Variants in SMC6 observed in about 807,000 individuals in gnomAD.
SMC6 encodes structural maintenance of chromosomes 6.
Under a neutral mutation model 142.2 loss-of-function variants are expected in SMC6, and 79 were observed. The ratio of observed to expected loss-of-function variants is 0.56; its 90% CI spans 0.46 to 0.67. SMC6 has a LOEUF of 0.67. Ranked by LOEUF, SMC6 falls within the 30% of genes least tolerant of loss-of-function variation. SMC6 has a pLI of 0.00. For missense variants in SMC6, 1,072 were observed against 1,284.0 expected (o/e 0.83, Z 2.52); for synonymous variants, 411 against 412.4 (o/e 1.00, Z 0.04).
intron 3 of SMC6, among the ~76,000 whole-genome samples, chr2:17,744,410 A>T (rs1380124359): frequency 6.6e-6 from 1 of 152,210 alleles, no homozygotes; most frequent in Non-Finnish European, 1.5e-5. Context: ...TTTTAAAAAT[A>T]CCTTATCCTA....
At chr2:17,750,116 A>G (rs1254437065) in intron 2 of SMC6, among the ~76,000 whole-genome samples, 9 of 152,254 alleles carry the variant, frequency 5.9e-5, no homozygotes, top group African/African-American at 2.2e-4. Flanking sequence ...ACCGGGAAGT[A>G]TAAAGCACAG....
chr2:17,685,823 T>C (rs1244995112), intron 23 of SMC6, among the ~76,000 whole-genome samples: 1 of 151,890 alleles, frequency 6.6e-6, no homozygotes. Context: ...TGGCAAAAAA[T>C]ATAAATGCAA....
intron 11 of SMC6, among the ~76,000 whole-genome samples, chr2:17,719,496 C>A (rs991753679): frequency 2.0e-5 from 3 of 152,078 alleles, no homozygotes; most frequent in African/African-American, 7.2e-5. Flanking sequence ...AGAAAAAGGC[C>A]TACAAAAGTA....
chr2:17,683,788 T>C, intron 23 of SMC6, 25 bp from the exon 24 acceptor site: 2 of 1,593,708 alleles, frequency 1.3e-6, no homozygotes, highest in Admixed American at 1.7e-5. Flanking sequence ...AAATATTACG[T>C]AAAAAATACA....
In SMC6 at chr2:17,720,700, T is replaced by C. The variant is rs112077124; in HGVS notation, c.945+240A>G. On this transcript the variant is annotated intron_variant, in intron 11 of 27. Transcript: ENST00000448223. The stretch of plus-strand genomic sequence containing the variant: ...CAGTAACAAAGTTCCACTGACAATA[T>C]GCATGAGTTCTAGAGCCCTAGCCTC... 1.5e-3 allele frequency among the ~76,000 whole-genome samples: 221 copies of C among 152,302 alleles called. 1 individual carries two copies. The highest frequency in any genetic ancestry group is 5.1e-3 in the African/African-American group (213 of 41,570).
intron 23 of SMC6, among the ~76,000 whole-genome samples, chr2:17,694,128 A>G (rs1373585106): frequency 6.6e-6 from 1 of 152,020 alleles, no homozygotes; most frequent in Non-Finnish European, 1.5e-5. Flanking sequence ...ATTCTCATTC[A>G]TATGTGGGAG....
In SMC6 at chr2:17,708,643, A is replaced by G; in HGVS notation, c.1841T>C (p.Ile614Thr). ...DMRGIETVLL[I>T]KNNSVARAVM... is the part of the protein sequence containing the mutation. ...GCAAAGATCTGGAGGTCTTACTTTGATTAGTAGCACTGTCTCTATGCCTCT... is the reference window on the plus strand; with the variant it reads ...GCAAAGATCTGGAGGTCTTACTTTGGTTAGTAGCACTGTCTCTATGCCTCT... The change falls in exon 17 of 28, where the codon ATC becomes ACC. Residue 614 changes from isoleucine (I) to threonine (T), a missense_variant. By Grantham distance (89) the Ile-to-Thr change is moderately conservative (BLOSUM62 -1). Transcript: ENST00000448223. 6.8e-7 allele frequency: 1 copy of G among 1,480,628 alleles called. No homozygotes were observed. Among genetic ancestry groups the G allele is most frequent in the Non-Finnish European group, 9.0e-7 (1 of 1,108,716 alleles). The allele number at this position is 1,480,628 out of a possible 1,614,324, so 91.7% of individuals were successfully genotyped here.
At chr2:17,706,642 A>T (rs184628718) in intron 18 of SMC6, among the ~76,000 whole-genome samples, 2 of 152,302 alleles carry the variant, frequency 1.3e-5, no homozygotes, top group Admixed American at 6.5e-5. Context: ...GAATTCAGTT[A>T]AGAAATCATG....
intron 26 of SMC6, among the ~76,000 whole-genome samples, chr2:17,666,890 G>A (rs1449993929): frequency 2.0e-5 from 3 of 152,072 alleles, no homozygotes; most frequent in Admixed American, 6.5e-5. Context: ...GCCGAGGCAG[G>A]AGGATCACTT....
Position 17,716,910 on chromosome 2 carries a change from C to T in SMC6, c.1182-5G>A. 6.3e-7 allele frequency: 1 copy of T among 1,594,730 alleles called. No individual in the cohort carries two copies. The highest frequency in any genetic ancestry group is 8.5e-7 in the Non-Finnish European group (1 of 1,174,180). On this transcript the variant is annotated splice_polypyrimidine_tract_variant and splice_region_variant and intron_variant, in intron 13 of 27. Coordinates refer to ENST00000448223, the MANE Select transcript of SMC6 (RefSeq NM_001142286.2). ...GGTTCCAAAGATTGGTCAGTACTAA[C>T]AGTAAATAACCCAAAGTGAAAAATG...
Position 17,707,281 on chromosome 2 carries a change from A to C in SMC6, c.1944T>G (p.Arg648=). ...GTCTTGTATTTTCAGATGAATAATAACGTCCTGCAAAAACTTGATCACCAT... is the reference window on the plus strand; with the variant it reads ...GTCTTGTATTTTCAGATGAATAATACCGTCCTGCAAAAACTTGATCACCAT... ...TADGDQVFAG[R]YYSSENTRPK... The change falls in exon 18 of 28, where the codon CGT becomes CGG. Residue 648 remains arginine (R), a synonymous_variant. Coordinates refer to ENST00000448223, the MANE Select transcript of SMC6 (RefSeq NM_001142286.2). 6.2e-7 allele frequency: 1 copy of C among 1,603,190 alleles called. No individual in the cohort carries two copies. The highest frequency in any genetic ancestry group is 8.5e-7 in the Non-Finnish European group (1 of 1,175,396).
Position 17,731,770 on chromosome 2 carries a change from C to G in SMC6, c.452G>C (p.Ser151Thr), listed in dbSNP as rs1208619260. 1 of 1,613,246 alleles carries G rather than the reference C, an allele frequency of 6.2e-7. No individual in the cohort carries two copies. Among genetic ancestry groups the G allele is most frequent in the South Asian group, 1.1e-5 (1 of 90,920 alleles). Residue 151 changes from serine to threonine, a missense_variant, in exon 6 of 28, where the codon AGT (serine) becomes ACT (threonine). By Grantham distance (58) the Ser-to-Thr change is moderately conservative (BLOSUM62 1). Transcript: ENST00000448223. ...LIQQHISIDG[S>T]RSYKLKSATG... ...TGCACTTTTAAGTTTATAAGATCGA[C>G]TTCCATCTATGCTGATGTGTTGCTG...
At chr2:17,703,100 C>T (rs563761676) in intron 19 of SMC6, 57 bp downstream of exon 19, 4 of 1,114,094 alleles carry the variant, frequency 3.6e-6, no homozygotes, top group Non-Finnish European at 4.9e-6. Context: ...TTAAAATCAA[C>T]TTCGTAGTAG....
intron 3 of SMC6, among the ~76,000 whole-genome samples, chr2:17,743,862 G>C (rs1233134687): frequency 6.6e-6 from 1 of 152,040 alleles, no homozygotes; most frequent in African/African-American, 2.4e-5. Context: ...TTTCTGACTG[G>C]CTTCTGTCAC....
At chr2:17,726,890 T>C (rs1190975614) in intron 7 of SMC6, among the ~76,000 whole-genome samples, 1 of 152,220 alleles carries the variant, frequency 6.6e-6, no homozygotes, top group Non-Finnish European at 1.5e-5. Context: ...TTGAGCTCTG[T>C]TGCTAACTTC....
intron 18 of SMC6, among the ~76,000 whole-genome samples, chr2:17,706,288 T>C (rs1462330408): frequency 6.6e-6 from 1 of 152,122 alleles, no homozygotes; most frequent in Non-Finnish European, 1.5e-5. Flanking sequence ...TATGTATACT[T>C]TTGTAACTGA....
At chr2:17,717,916 T>C (rs144525177) in intron 12 of SMC6, among the ~76,000 whole-genome samples, 161 bp downstream of exon 12, 15 of 145,650 alleles carry the variant, frequency 1.0e-4, no homozygotes, top group Middle Eastern at 4.2e-3. Context: ...GCCCAGGAGA[T>C]AAGAGGCTAC....
chr2:17,698,989 T>A (rs747147665), intron 21 of SMC6, among the ~76,000 whole-genome samples: 7 of 152,132 alleles, frequency 4.6e-5, no homozygotes, highest in Non-Finnish European at 1.0e-4. Context: ...TTAAATATAA[T>A]GGTCCTAAAT....
chr2:17,666,275 TC>T, intron 27 of SMC6, 144 bp downstream of exon 27: 1 of 575,186 alleles, frequency 1.7e-6, no homozygotes, highest in Non-Finnish European at 3.0e-6. Flanking sequence ...GAGAAAAACA[TC>T]CCAAATCTCC....
Sources: gnomAD v4.1 joint callset for allele counts (sites outside exome capture counted in the v4.1 genomes callset) on GRCh38, gnomAD v4.1.1 for gene constraint, MANE v1.5 for transcripts, NCBI Gene and HGNC (gene_info 2026-07-23, HGNC 2026-07-21) for gene names.